The following ITGAE variants were observed in gnomAD, a reference collection of about 807,000 sequenced individuals.
ITGAE encodes integrin alpha-E.
Under a neutral mutation model 136.5 loss-of-function variants are expected in ITGAE, and 99 were observed. The observed-to-expected ratio is 0.73, with a 90% CI of 0.62 to 0.86. The LOEUF (loss-of-function observed/expected upper bound fraction) is 0.86, where lower values mean the gene tolerates loss of function less well. Among genes scored for constraint, ITGAE ranks in the 40% least tolerant of loss-of-function variants. The pLI is 0.00. For synonymous variants in ITGAE, 613 were observed against 591.8 expected, an observed-to-expected ratio of 1.04 and a Z score of -0.52; for missense variants, 1,447 against 1,515.3, an observed-to-expected ratio of 0.95 and a Z score of 0.75.
chr17:3,751,653 C>G lies in ITGAE; in HGVS notation c.1890G>C (p.Ser630=), dbSNP rs558709708. ...AGGAGAGGGCCCCATGGGTCACCTG[C>G]GAGGGGCTGGCGGAGAGGCCGTCCC... ...GHWDGLSASP[S]QRIRASTVAP... The change falls in exon 15 of 31, where the codon TCG becomes TCC. Residue 630 remains serine, a synonymous_variant. Transcript: ENST00000263087. The G allele has an allele frequency of 1.1e-5, 18 of 1,613,522 alleles. No homozygotes were observed. The highest frequency in any genetic ancestry group is 1.5e-5 in the Non-Finnish European group (18 of 1,179,680).
At chr17:3,720,658 T>G in intron 28 of ITGAE, 1 of 287,432 alleles carries the variant, frequency 3.5e-6, no homozygotes, top group Non-Finnish European at 6.6e-6. Context: ...CTCGGCTCAC[T>G]GCAACCTCCA....
At chr17:3,745,637 T>C (rs2051694123) in intron 18 of ITGAE, 127 bp downstream of exon 18, 2 of 944,012 alleles carry the variant, frequency 2.1e-6, no homozygotes, top group Middle Eastern at 2.5e-4. Context: ...CCACCGTGCC[T>C]GGCCTGTTAT....
In ITGAE at chr17:3,727,688, C is replaced by T. The variant is rs145260105; in HGVS notation, c.3084+231G>A. Among the ~76,000 whole-genome samples, 862 of 152,184 alleles carry T rather than the reference C, an allele frequency of 5.7e-3. 8 individuals are homozygous for T. The highest frequency in any genetic ancestry group is 8.6e-3 in the Non-Finnish European group (582 of 68,016). ...TGCTGGGATTACAGGTGTGAGCCAC[C>T]GCACCTGGCCAATTTTTGCTTATTT... On this transcript the variant is annotated intron_variant, in intron 26 of 30. Transcript: ENST00000263087.
rs995162034 is a variant in ITGAE at position 3,724,106 on chromosome 17, C to A, written c.3085-362G>T. 3 of 1,594,706 alleles carry A rather than the reference C, an allele frequency of 1.9e-6. No homozygotes were observed. In the Admixed American group the frequency reaches 5.0e-5, roughly 27 times the overall value. ...GCAGCGACGCCAGCATCGGCGACCC[C>A]TCGCAGTCCGACGATCCTGACGATC... On this transcript the variant is annotated intron_variant, in intron 26 of 30. Coordinates refer to ENST00000263087, the MANE Select transcript of ITGAE (RefSeq NM_002208.5).
intron 19 of ITGAE, among the ~76,000 whole-genome samples, chr17:3,743,115 C>T (rs1050920118): frequency 1.3e-5 from 2 of 152,226 alleles, no homozygotes; most frequent in Non-Finnish European, 2.9e-5. Context: ...GTGCAAGACA[C>T]GACAGCTCCA....
chr17:3,796,313 T>C (rs887550275), intron 1 of ITGAE, among the ~76,000 whole-genome samples: 1 of 152,086 alleles, frequency 6.6e-6, no homozygotes, highest in Non-Finnish European at 1.5e-5. Context: ...ACAGTTTGCC[T>C]TTGAGCTGCG....
At chr17:3,723,580 C>G (rs2051106412) in intron 27 of ITGAE, 108 bp downstream of exon 27, 2 of 1,246,178 alleles carry the variant, frequency 1.6e-6, no homozygotes, top group East Asian at 5.1e-5. Context: ...CCTGGCAGCC[C>G]CCGGCACTGG....
At position 3,799,275 on chromosome 17, in the gene ITGAE, G is replaced by A. The variant is rs915958649; in HGVS notation, c.34+1836C>T. On this transcript the variant is annotated intron_variant, in intron 1 of 30. Coordinates refer to ENST00000263087, the MANE Select transcript of ITGAE (RefSeq NM_002208.5). The surrounding 1 kb of genome is among the most constrained non-coding windows in gnomAD (Gnocchi z 4.1). ...GCAGAACTGCAGCAGCCTCGTTTCC[G>A]CCACCCACACCGGAGCTGCGGGGGC... Among the ~76,000 whole-genome samples, 21 of 152,220 alleles carry A rather than the reference G, an allele frequency of 1.4e-4. No individual in the cohort carries two copies. The highest frequency in any genetic ancestry group is 4.6e-4 in the African/African-American group (19 of 41,550).
chr17:3,729,317 A>G, intron 24 of ITGAE, 161 bp downstream of exon 24: 1 of 620,298 alleles, frequency 1.6e-6, no homozygotes, highest in East Asian at 2.8e-5. Context: ...AAATGTTAGC[A>G]CCCTAGAGAT....
rs111491388 is a variant in ITGAE, at chr17:3,798,542, C to T, written c.34+2569G>A. ...CCAAGGACCTCCCCGTCCTTCAGAGCCCACCTCAGATGCTACAGTCTCCCA... is the reference window on the plus strand; with the variant it reads ...CCAAGGACCTCCCCGTCCTTCAGAGTCCACCTCAGATGCTACAGTCTCCCA... On this transcript the variant is annotated intron_variant, in intron 1 of 30. Transcript: ENST00000263087. The surrounding 1 kb of genome is among the most constrained non-coding windows in gnomAD (Gnocchi z 4.3). Among the ~76,000 whole-genome samples, 6,950 of 152,236 alleles carry T rather than the reference C, an allele frequency of 0.046. 195 individuals are homozygous for T. The highest frequency in any genetic ancestry group is 0.051 in the Middle Eastern group (15 of 294).
chr17:3,723,780 A>T, intron 26 of ITGAE, 36 bp from the exon 27 acceptor site: 1 of 1,601,524 alleles, frequency 6.2e-7, no homozygotes, highest in Non-Finnish European at 8.5e-7. Flanking sequence ...GCGCTGAACA[A>T]ACCAAGCCGC....
At chr17:3,734,461 G>C (rs2143011808) in intron 21 of ITGAE, among the ~76,000 whole-genome samples, 1 of 152,332 alleles carries the variant, frequency 6.6e-6, no homozygotes, top group East Asian at 1.9e-4. Flanking sequence ...GAAACAGACT[G>C]TTTCCTAGTA....
intron 2 of ITGAE, among the ~76,000 whole-genome samples, chr17:3,770,827 T>C (rs2052403525): frequency 6.6e-6 from 1 of 152,156 alleles, no homozygotes; most frequent in Non-Finnish European, 1.5e-5. Context: ...AACTCTCTCC[T>C]GCACCCTGGC....
At chr17:3,770,114 C>CT (rs796370894) in intron 2 of ITGAE, among the ~76,000 whole-genome samples, 4,914 of 138,770 alleles carry the variant, frequency 0.035, 94 homozygotes, top group African/African-American at 0.051. Context: ...TTCTTTCTTT[C>CT]TTTTTTTTTT....
intron 28 of ITGAE, among the ~76,000 whole-genome samples, chr17:3,720,784 T>C (rs1597293181): frequency 6.6e-6 from 1 of 152,296 alleles, no homozygotes; most frequent in South Asian, 2.1e-4. Context: ...GGTTTTGCCA[T>C]GTTGGCCAGG....
intron 1 of ITGAE, among the ~76,000 whole-genome samples, chr17:3,788,511 G>A (rs1382430794): frequency 7.5e-6 from 1 of 133,002 alleles, no homozygotes. Flanking sequence ...TGTTGTTCAA[G>A]CTGGTCTTGA....
intron 28 of ITGAE, among the ~76,000 whole-genome samples, chr17:3,722,641 G>A (rs1035620918): frequency 6.6e-6 from 1 of 152,174 alleles, no homozygotes; most frequent in Non-Finnish European, 1.5e-5. Context: ...GAATAGGACA[G>A]AATAACCCGA....
chr17:3,761,198 G>T, intron 5 of ITGAE, 21 bp from the exon 6 acceptor site: 1 of 1,608,104 alleles, frequency 6.2e-7, no homozygotes. Context: ...ACACATGGAA[G>T]AGCTCAGAGT....
rs1342924086 is a variant in ITGAE at position 3,751,794 on chromosome 17, A to G, written c.1749T>C (p.Ala583=). Residue 583 remains alanine (A), a synonymous_variant, in exon 15 of 31, where the codon GCT becomes GCC. Transcript: ENST00000263087. ...TNARFGFAMA[A]MGDLSQDKLT... is the part of the protein sequence containing the mutation. ...GCTTATCCTGACTGAGATCCCCCAT[A>G]GCCGCCATGGCAAAGCCAAAGCGGG... 4 of 1,614,120 alleles carry G rather than the reference A, an allele frequency of 2.5e-6. No individual in the cohort carries two copies. The Admixed American group carries it at 6.7e-5, about 27-fold the overall frequency.
Sources: gnomAD v4.1 joint callset for allele counts (sites outside exome capture counted in the v4.1 genomes callset) on GRCh38, gnomAD v4.1.1 for gene constraint, Gnocchi (gnomAD v3.1) non-coding constraint, MANE v1.5 for transcripts, NCBI Gene and HGNC (gene_info 2026-07-23, HGNC 2026-07-21) for gene names.